TTC33: variants seen among roughly 807,000 people sequenced by gnomAD.
TTC33 encodes the protein tetratricopeptide repeat protein 33.
In TTC33, 24 loss-of-function variants were observed where a neutral mutation model predicts 29.4. The ratio of observed to expected loss-of-function variants is 0.82; its 90% CI spans 0.59 to 1.15. The LOEUF (loss-of-function observed/expected upper bound fraction) is 1.15, where lower values mean the gene tolerates loss of function less well. Among genes scored for constraint, TTC33 ranks in the 50% most tolerant of loss-of-function variants. TTC33 has a pLI of 0.00. For synonymous variants in TTC33, 107 were observed against 100.3 expected (o/e 1.07, Z -0.40); for missense variants, 286 against 310.4 (o/e 0.92, Z 0.59).
chr5:40,717,656 GT>G (rs1742030149), intron 4 of TTC33, among the ~76,000 whole-genome samples: 1 of 152,214 alleles, frequency 6.6e-6, no homozygotes, highest in Admixed American at 6.5e-5. Flanking sequence ...TTCTCTGGGG[GT>G]AAAACTGCCC....
At chr5:40,723,501 C>A (rs1742202933) in intron 4 of TTC33, among the ~76,000 whole-genome samples, 2 of 126,966 alleles carry the variant, frequency 1.6e-5, no homozygotes, top group African/African-American at 6.1e-5. Flanking sequence ...TAAATAAAAG[C>A]TAACTCAAAT....
chr5:40,717,608 G>T (rs1742029523), intron 4 of TTC33, among the ~76,000 whole-genome samples: 1 of 152,178 alleles, frequency 6.6e-6, no homozygotes, highest in South Asian at 2.1e-4. Context: ...TCCTTTCCTA[G>T]TTGTGATAAA....
chr5:40,745,235 C>T (rs1011991253), intron 2 of TTC33, among the ~76,000 whole-genome samples: 1 of 152,058 alleles, frequency 6.6e-6, no homozygotes, highest in Admixed American at 6.6e-5. Flanking sequence ...GGAAAACAGG[C>T]AAAACCTAAA....
chr5:40,750,425 G>A (rs1742874427), intron 1 of TTC33, among the ~76,000 whole-genome samples: 1 of 152,070 alleles, frequency 6.6e-6, no homozygotes. Flanking sequence ...AGGCGTGGTG[G>A]TACACATCTG....
At chr5:40,737,205 A>G (rs1302725791) in intron 2 of TTC33, among the ~76,000 whole-genome samples, 2 of 152,084 alleles carry the variant, frequency 1.3e-5, no homozygotes, top group African/African-American at 4.8e-5. Context: ...GCTGAGGGAC[A>G]AGAATCACTT....
At chr5:40,745,330 G>GA (rs1320726515) in intron 2 of TTC33, among the ~76,000 whole-genome samples, 1 of 151,960 alleles carries the variant, frequency 6.6e-6, no homozygotes, top group Admixed American at 6.6e-5. Context: ...CTTATTCTTA[G>GA]AAAAAACATG....
rs1459133656 is a variant in TTC33, at chr5:40,715,235, TC to T, written c.*909del. The T allele has an allele frequency of 6.6e-6, 1 of 152,076 alleles. No individual in the cohort carries two copies. The highest frequency in any genetic ancestry group is 1.5e-5 in the Non-Finnish European group (1 of 67,942). The allele number at this position is 152,076 out of a possible 1,614,324, so 9.4% of individuals were successfully genotyped here. On this transcript the variant is annotated 3_prime_UTR_variant, in exon 5 of 5. Transcript: ENST00000337702. ...AAAAAAAGTTATCTAGAAAAGTAAT[TC>T]CCAGTCATCAAATGGAAAGACACAA...
In TTC33 at chr5:40,730,410, T is replaced by A. The variant is rs578257469; in HGVS notation, c.222-67A>T. ...GCTTTTTTGGACTTTCAAAAAAAAA[T>A]TTTTATTGTAGTAAAATATAAAATT... On this transcript the variant is annotated intron_variant, in intron 2 of 4. Coordinates refer to ENST00000337702, the MANE Select transcript of TTC33 (RefSeq NM_012382.3). 1.1e-4 allele frequency: 135 copies of A among 1,270,630 alleles called. No homozygotes were observed. In the African/African-American group the frequency reaches 1.2e-3, roughly 11 times the overall value. 78.7% of individuals were successfully genotyped at this position (1,270,630 alleles called of 1,614,324 possible).
chr5:40,755,187 T>A (rs1742962659), intron 1 of TTC33, among the ~76,000 whole-genome samples: 1 of 152,168 alleles, frequency 6.6e-6, no homozygotes, highest in Non-Finnish European at 1.5e-5. Context: ...GGCGACGGCT[T>A]CACATTTACC....
At chr5:40,738,589 T>TAA (rs1742623451) in intron 2 of TTC33, among the ~76,000 whole-genome samples, 1 of 132,966 alleles carries the variant, frequency 7.5e-6, no homozygotes, top group Non-Finnish European at 1.7e-5. Context: ...TAAAATAAAA[T>TAA]AAAATAAAAT....
In TTC33 at chr5:40,730,362, T is replaced by C. The variant is rs376972173; in HGVS notation, c.222-19A>G. On this transcript the variant is annotated intron_variant, in intron 2 of 4. Transcript: ENST00000337702. ...CCGATATCTGTGGTTGTTAAAGTTATATCAATGCCATATTTTCAATATGCT... is the reference window on the plus strand; with the variant it reads ...CCGATATCTGTGGTTGTTAAAGTTACATCAATGCCATATTTTCAATATGCT... 2 of 1,594,496 alleles carry C rather than the reference T, an allele frequency of 1.3e-6. No homozygotes were observed. The highest frequency in any genetic ancestry group is 1.1e-5 in the South Asian group (1 of 88,214).
intron 2 of TTC33, among the ~76,000 whole-genome samples, chr5:40,730,671 C>G (rs1321909126): frequency 6.6e-6 from 1 of 152,140 alleles, no homozygotes; most frequent in Non-Finnish European, 1.5e-5. Flanking sequence ...CATGTACTTT[C>G]AGTTCAACAG....
intron 4 of TTC33, among the ~76,000 whole-genome samples, chr5:40,722,892 GA>G (rs1349474224): frequency 6.6e-6 from 1 of 151,722 alleles, no homozygotes; most frequent in Non-Finnish European, 1.5e-5. Context: ...CCCCATCTGG[GA>G]AGTGAGGAGC....
chr5:40,728,881 C>T (rs1339578377), intron 3 of TTC33, among the ~76,000 whole-genome samples: 1 of 152,146 alleles, frequency 6.6e-6, no homozygotes, highest in East Asian at 1.9e-4. Flanking sequence ...CCCTAATGAA[C>T]ATCTTTATGT....
intron 2 of TTC33, among the ~76,000 whole-genome samples, chr5:40,744,871 T>C (rs1742762270): frequency 6.6e-6 from 1 of 152,212 alleles, no homozygotes; most frequent in Admixed American, 6.5e-5. Context: ...GTCTTTCTAA[T>C]GGCTGCACTA....
At chr5:40,736,966 A>C (rs773025679) in intron 2 of TTC33, among the ~76,000 whole-genome samples, 3 of 152,202 alleles carry the variant, frequency 2.0e-5, no homozygotes, top group Non-Finnish European at 2.9e-5. Flanking sequence ...TGTTAAAAAG[A>C]ATCATGAATA....
At chr5:40,749,754 T>C (rs775597199) in intron 1 of TTC33, among the ~76,000 whole-genome samples, 4 of 152,262 alleles carry the variant, frequency 2.6e-5, no homozygotes, top group Non-Finnish European at 5.9e-5. Context: ...GTTTACACTA[T>C]ACTATAGTCT....
At chr5:40,734,499 T>G (rs1192761886) in intron 2 of TTC33, among the ~76,000 whole-genome samples, 2 of 152,178 alleles carry the variant, frequency 1.3e-5, no homozygotes, top group Non-Finnish European at 2.9e-5. Context: ...AATAGTTCCA[T>G]GGACTACAAC....
rs767154658 is a variant in TTC33, at chr5:40,714,262, A to T, written c.*1883T>A. On this transcript the variant is annotated 3_prime_UTR_variant, in exon 5 of 5. Coordinates refer to ENST00000337702, the MANE Select transcript of TTC33 (RefSeq NM_012382.3). ...ATTACAAAAAAAGTTCTCCTTTTTTAAAATCAGAGGAAATTGAGGTTAAAT... is the reference window on the plus strand; with the variant it reads ...ATTACAAAAAAAGTTCTCCTTTTTTTAAATCAGAGGAAATTGAGGTTAAAT... Among the ~76,000 whole-genome samples, 2 of 152,218 alleles carry T rather than the reference A, an allele frequency of 1.3e-5. No homozygotes were observed. The highest frequency in any genetic ancestry group is 2.9e-5 in the Non-Finnish European group (2 of 68,028).
Sources: gnomAD v4.1 joint callset for allele counts (sites outside exome capture counted in the v4.1 genomes callset) on GRCh38, gnomAD v4.1.1 for gene constraint, MANE v1.5 for transcripts, NCBI Gene and HGNC (gene_info 2026-07-23, HGNC 2026-07-21) for gene names.